The following CXXC5 variants were observed in gnomAD, a reference collection of about 807,000 sequenced individuals.
CXXC5 encodes the protein CXXC-type zinc finger protein 5.
A neutral mutation model predicts 17.6 loss-of-function variants in CXXC5; 2 were observed. The observed-to-expected ratio is 0.11, with a 90% CI of 0.05 to 0.36. The LOEUF is 0.36. Among genes scored for constraint, CXXC5 ranks in the 10% least tolerant of loss-of-function variants. The pLI, the probability that CXXC5 is intolerant of heterozygous loss-of-function variation, is 1.00. For missense variants in CXXC5, 343 were observed against 458.3 expected, an observed-to-expected ratio of 0.75 and a Z score of 2.30; for synonymous variants, 171 against 193.0, an observed-to-expected ratio of 0.89 and a Z score of 0.94.
At chr5:139,666,902 G>A (rs1334571550) in intron 1 of CXXC5, among the ~76,000 whole-genome samples, 5 of 152,212 alleles carry the variant, frequency 3.3e-5, no homozygotes, top group African/African-American at 1.2e-4. Flanking sequence ...AGGAACTGAA[G>A]AATACAGGAG....
chr5:139,655,702 C>G (rs1440508726), intron 1 of CXXC5, among the ~76,000 whole-genome samples: 1 of 152,124 alleles, frequency 6.6e-6, no homozygotes, highest in Non-Finnish European at 1.5e-5. Context: ...ACCGCGGCAA[C>G]TGGTCCGCCT....
intron 1 of CXXC5, among the ~76,000 whole-genome samples, chr5:139,664,450 A>AC (rs1480184904): frequency 5.3e-5 from 8 of 150,858 alleles, no homozygotes; most frequent in Admixed American, 1.3e-4. Context: ...AGCCACAATG[A>AC]CCCCCCATCC....
At position 139,682,960 on chromosome 5, in the gene CXXC5, T is replaced by C; in HGVS notation, c.*53T>C. 1 of 1,500,914 alleles carries C rather than the reference T, an allele frequency of 6.7e-7. No individual in the cohort carries two copies. The highest frequency in any genetic ancestry group is 9.0e-7 in the Non-Finnish European group (1 of 1,112,456). The allele number at this position is 1,500,914 out of a possible 1,614,324, so 93.0% of individuals were successfully genotyped here. On this transcript the variant is annotated 3_prime_UTR_variant, in exon 3 of 3. Coordinates refer to ENST00000302517, the MANE Select transcript of CXXC5 (RefSeq NM_016463.9). ...CCGTGCAATGTCACTGCTCGTGTGGTCTCCAGCAAGGGATTCGGGCGAAGA... is the reference window on the plus strand; with the variant it reads ...CCGTGCAATGTCACTGCTCGTGTGGCCTCCAGCAAGGGATTCGGGCGAAGA...
intron 1 of CXXC5, chr5:139,649,156 G>A (rs1176681604): frequency 6.6e-6 from 1 of 152,308 alleles, no homozygotes; most frequent in Non-Finnish European, 1.5e-5. Flanking sequence ...GCCTCCCTAA[G>A]CCGCAGTATG....
chr5:139,653,168 G>C (rs567968812), intron 1 of CXXC5, among the ~76,000 whole-genome samples: 8 of 152,182 alleles, frequency 5.3e-5, no homozygotes, highest in South Asian at 2.1e-4. Context: ...CAGCCTCCCC[G>C]TCTGCCTGCC....
intron 1 of CXXC5, among the ~76,000 whole-genome samples, chr5:139,674,921 ATCT>A (rs771451254): frequency 1.3e-5 from 2 of 151,900 alleles, no homozygotes; most frequent in South Asian, 2.1e-4. Flanking sequence ...CACACCTCAC[ATCT>A]TCTTCCCCAC....
chr5:139,664,333 C>A (rs1755980210), intron 1 of CXXC5, among the ~76,000 whole-genome samples: 1 of 152,044 alleles, frequency 6.6e-6, no homozygotes, highest in Admixed American at 6.5e-5. Context: ...TGCGCACCTC[C>A]TCCACCCCCT....
upstream of CXXC5, chr5:139,647,756 T>C (rs996431106): frequency 6.6e-6 from 1 of 152,166 alleles, no homozygotes; most frequent in African/African-American, 2.4e-5. Flanking sequence ...ATCAGTTTCC[T>C]CACCTGAGAA....
chr5:139,676,659 C>T (rs1158667799), intron 1 of CXXC5, among the ~76,000 whole-genome samples: 1 of 145,560 alleles, frequency 6.9e-6, no homozygotes, highest in African/African-American at 2.6e-5. Context: ...CTCTACCCTT[C>T]CCTCTGCCTC....
At chr5:139,664,778 T>C (rs1248328768) in intron 1 of CXXC5, among the ~76,000 whole-genome samples, 6 of 152,000 alleles carry the variant, frequency 3.9e-5, no homozygotes, top group Non-Finnish European at 5.9e-5. Context: ...GGCTCTAGAG[T>C]TGGGCCAGCC....
intron 2 of CXXC5, among the ~76,000 whole-genome samples, chr5:139,682,537 C>T (rs1243780197): frequency 1.3e-5 from 2 of 152,228 alleles, no homozygotes; most frequent in Non-Finnish European, 2.9e-5. Context: ...ACCCGTCGCA[C>T]GTGCTCACAC....
At chr5:139,652,996 T>C (rs941073498) in intron 1 of CXXC5, among the ~76,000 whole-genome samples, 2 of 152,222 alleles carry the variant, frequency 1.3e-5, no homozygotes, top group African/African-American at 4.8e-5. Context: ...TATGTTTTCC[T>C]TTCTCTTTCT....
intron 1 of CXXC5, among the ~76,000 whole-genome samples, chr5:139,678,426 C>G (rs1412301150): frequency 6.6e-6 from 1 of 152,200 alleles, no homozygotes; most frequent in East Asian, 1.9e-4. Context: ...CGGCTCTGTC[C>G]TGGTGGAATC....
intron 1 of CXXC5, among the ~76,000 whole-genome samples, chr5:139,677,504 G>A (rs1260418249): frequency 1.3e-5 from 2 of 152,212 alleles, no homozygotes; most frequent in African/African-American, 4.8e-5. Context: ...GGGCCGATTT[G>A]GAACAAGCTT....
upstream of CXXC5, chr5:139,648,212 G>GGGAGGGAGGCGGCGGGA (rs1581548287): frequency 6.6e-6 from 1 of 151,732 alleles, no homozygotes; most frequent in East Asian, 2.0e-4. Context: ...GAGCTGCGCT[G>GGGAGGGAGGCGGCGGGA]GGAGGGAGGC....
At chr5:139,681,563 CT>C (rs57638253) in intron 2 of CXXC5, 116 bp downstream of exon 2, 450,031 of 1,303,068 alleles carry the variant, frequency 0.35, 82,539 homozygotes, top group African/African-American at 0.64. Context: ...GGGATGCCCC[CT>C]CCCAGTCCTT....
At chr5:139,673,558 CTGGCTGGGTGCGG>C (rs1467299933) in intron 1 of CXXC5, among the ~76,000 whole-genome samples, 2 of 152,166 alleles carry the variant, frequency 1.3e-5, no homozygotes, top group Non-Finnish European at 2.9e-5. Context: ...AGAACAGAGC[CTGGCTGGGTGCGG>C]TGGCTCACGC....
At chr5:139,671,538 C>T (rs1270218603) in intron 1 of CXXC5, among the ~76,000 whole-genome samples, 1 of 152,210 alleles carries the variant, frequency 6.6e-6, no homozygotes, top group East Asian at 1.9e-4. Context: ...ACAAAGAGGG[C>T]CTCTGTGCGG....
intron 2 of CXXC5, 113 bp downstream of exon 2, chr5:139,681,560 C>A: frequency 7.6e-7 from 1 of 1,322,950 alleles, no homozygotes; most frequent in Non-Finnish European, 1.0e-6. Context: ...TGGGGGATGC[C>A]CCCTCCCAGT....
Sources: allele counts gnomAD v4.1 joint callset (sites outside exome capture counted in the v4.1 genomes callset), GRCh38; gene constraint gnomAD v4.1.1; transcripts MANE v1.5; gene names NCBI Gene and HGNC (gene_info 2026-07-23, HGNC 2026-07-21).